Variants in FARS2 observed in about 807,000 individuals in gnomAD.
FARS2 encodes the protein phenylalanine--tRNA ligase, mitochondrial.
Under a neutral mutation model 46.4 loss-of-function variants are expected in FARS2, and 40 were observed. That is an observed-to-expected ratio of 0.86 (90% CI 0.67 to 1.12). The LOEUF is 1.12. FARS2 is among the 50% of genes most tolerant of loss of function. The pLI is 0.00. For synonymous variants in FARS2, 234 were observed against 214.9 expected (o/e 1.09, Z -0.78); for missense variants, 513 against 567.9 (o/e 0.90, Z 0.98).
intron 6 of FARS2, among the ~76,000 whole-genome samples, chr6:5,703,725 C>T (rs1396837097): frequency 6.6e-6 from 1 of 152,160 alleles, no homozygotes; most frequent in Non-Finnish European, 1.5e-5. Flanking sequence ...CCTCTGCTTC[C>T]GTGCAAAGGT....
chr6:5,720,043 GTAGT>G (rs750769940), intron 6 of FARS2, among the ~76,000 whole-genome samples: 118 of 151,782 alleles, frequency 7.8e-4, no homozygotes, highest in Non-Finnish European at 1.5e-3. Flanking sequence ...TGTTTAAATG[GTAGT>G]TAGTCTCCTG....
chr6:5,703,862 T>C (rs1486476461), intron 6 of FARS2, among the ~76,000 whole-genome samples: 1 of 152,216 alleles, frequency 6.6e-6, no homozygotes, highest in African/African-American at 2.4e-5. Context: ...CCTGGGTTCC[T>C]GGCTTCTCCT....
At chr6:5,694,018 C>T (rs1210327514) in intron 6 of FARS2, among the ~76,000 whole-genome samples, 2 of 152,196 alleles carry the variant, frequency 1.3e-5, no homozygotes, top group Non-Finnish European at 2.9e-5. Flanking sequence ...ATAGCCTGCG[C>T]CTCTCAAAGG....
intron 1 of FARS2, among the ~76,000 whole-genome samples, chr6:5,287,001 G>T (rs377127537): frequency 1.3e-5 from 2 of 152,234 alleles, no homozygotes. Context: ...AGGCCTGGCC[G>T]CCTGTGGAGC....
chr6:5,738,693 G>A (rs762764581), intron 6 of FARS2, among the ~76,000 whole-genome samples: 3 of 151,902 alleles, frequency 2.0e-5, no homozygotes, highest in Non-Finnish European at 2.9e-5. Flanking sequence ...ACAGCAAGAA[G>A]AGTTGGTTAC....
chr6:5,516,052 G>C (rs1415237600), intron 4 of FARS2, among the ~76,000 whole-genome samples: 1 of 152,142 alleles, frequency 6.6e-6, no homozygotes, highest in Non-Finnish European at 1.5e-5. Flanking sequence ...TCTTGTTCTT[G>C]CAAATGCTCC....
At chr6:5,691,532 C>T (rs1757715965) in intron 6 of FARS2, among the ~76,000 whole-genome samples, 1 of 152,198 alleles carries the variant, frequency 6.6e-6, no homozygotes, top group Non-Finnish European at 1.5e-5. Flanking sequence ...ATGTTGCTGC[C>T]TGATCGTTCC....
chr6:5,498,657 A>T (rs982680817), intron 4 of FARS2, among the ~76,000 whole-genome samples: 1 of 152,136 alleles, frequency 6.6e-6, no homozygotes, highest in Non-Finnish European at 1.5e-5. Flanking sequence ...AGTTGGCTTT[A>T]TGTCACCTAT....
intron 4 of FARS2, among the ~76,000 whole-genome samples, chr6:5,518,114 G>T (rs1561679785): frequency 6.6e-6 from 1 of 152,292 alleles, no homozygotes; most frequent in South Asian, 2.1e-4. Context: ...GTGGGTGATG[G>T]TGCACCAGGC....
chr6:5,620,374 T>C (rs1473351458), intron 6 of FARS2, among the ~76,000 whole-genome samples: 1 of 152,220 alleles, frequency 6.6e-6, no homozygotes, highest in Non-Finnish European at 1.5e-5. Flanking sequence ...TTTTATGTTA[T>C]GAGCAGTGGG....
At chr6:5,524,616 C>A (rs972311381) in intron 4 of FARS2, among the ~76,000 whole-genome samples, 1 of 152,216 alleles carries the variant, frequency 6.6e-6, no homozygotes, top group Admixed American at 6.5e-5. Context: ...ACCAGGTCCT[C>A]TTCTGAGCCC....
intron 6 of FARS2, among the ~76,000 whole-genome samples, chr6:5,655,109 A>T (rs900353121): frequency 6.6e-6 from 1 of 152,166 alleles, no homozygotes; most frequent in African/African-American, 2.4e-5. Context: ...CAAAGGTTAC[A>T]TGTGAATTTT....
intron 1 of FARS2, among the ~76,000 whole-genome samples, chr6:5,270,212 T>A (rs951381951): frequency 6.6e-6 from 1 of 152,218 alleles, no homozygotes; most frequent in African/African-American, 2.4e-5. Flanking sequence ...CTTTCCTGTT[T>A]CTTGACGTTC....
rs370606866 is a variant in FARS2 at position 5,546,705 on chromosome 6, TTTA to T, written c.1065+1368_1065+1370del. Among the ~76,000 whole-genome samples the T allele has an allele frequency of 4.3e-3, 655 of 152,112 alleles. 5 individuals carry two copies. Among genetic ancestry groups the T allele is most frequent in the African/African-American group, 0.015 (625 of 41,550 alleles). On this transcript the variant is annotated intron_variant, in intron 5 of 6. Transcript: ENST00000274680. ...CCTGTGTGCTTTATTTTTGATAATT[TTTA>T]TTGTCTTCTCTTTGGGTTGCTCATC...
chr6:5,497,972 A>C (rs1767570462), intron 4 of FARS2, among the ~76,000 whole-genome samples: 1 of 152,200 alleles, frequency 6.6e-6, no homozygotes, highest in African/African-American at 2.4e-5. Context: ...TGTGTAGCTA[A>C]TTATACAACT....
chr6:5,621,227 C>T (rs1352658196), intron 6 of FARS2, among the ~76,000 whole-genome samples: 1 of 151,628 alleles, frequency 6.6e-6, no homozygotes. Flanking sequence ...GCTAGGACTA[C>T]AGGCATAGGC....
intron 6 of FARS2, among the ~76,000 whole-genome samples, chr6:5,620,688 G>A (rs1775725756): frequency 6.6e-6 from 1 of 152,124 alleles, no homozygotes; most frequent in African/African-American, 2.4e-5. Context: ...GAGTCCACAT[G>A]ACCTTCACTG....
the FARS2 span, among the ~76,000 whole-genome samples, chr6:5,253,218 C>T: frequency 2.0e-4 from 30 of 152,252 alleles, no homozygotes; most frequent in Admixed American, 1.4e-3. Flanking sequence ...TCACTTTAGC[C>T]TTTTCTCAAG....
intron 6 of FARS2, among the ~76,000 whole-genome samples, chr6:5,735,517 G>A (rs925654378): frequency 1.3e-5 from 2 of 152,172 alleles, no homozygotes; most frequent in South Asian, 2.1e-4. Flanking sequence ...CGGGGCCTCC[G>A]TTTCTCTCGA....
Sources: allele counts gnomAD v4.1 joint callset (sites outside exome capture counted in the v4.1 genomes callset), GRCh38; gene constraint gnomAD v4.1.1; transcripts MANE v1.5; gene names NCBI Gene and HGNC (gene_info 2026-07-23, HGNC 2026-07-21).